Variants in PCDHGA7 observed in about 807,000 individuals in gnomAD.
PCDHGA7 encodes the protein protocadherin gamma subfamily A, 7.
Under a neutral mutation model 58.3 loss-of-function variants are expected in PCDHGA7, and 44 were observed. That is an observed-to-expected ratio of 0.75 (90% CI 0.59 to 0.97). The LOEUF (loss-of-function observed/expected upper bound fraction) is 0.97. Ranked by LOEUF, PCDHGA7 falls within the 50% of genes least tolerant of loss-of-function variation. PCDHGA7 has a pLI of 0.00. For missense variants in PCDHGA7, 1,266 were observed against 1,188.7 expected (o/e 1.06, Z -0.96); for synonymous variants, 516 against 504.2 (o/e 1.02, Z -0.31).
At chr5:141,392,994 A>T in intron 1 of PCDHGA7, 1 of 1,613,910 alleles carries the variant, frequency 6.2e-7, no homozygotes, top group Non-Finnish European at 8.5e-7. Context: ...GAAGCTGGCG[A>T]AGCACGGAGT....
intron 1 of PCDHGA7, chr5:141,398,109 G>T: frequency 6.3e-7 from 1 of 1,594,204 alleles, no homozygotes; most frequent in Non-Finnish European, 8.5e-7. Context: ...TGGTGAGCAA[G>T]CTGAGGAGAG....
intron 1 of PCDHGA7, among the ~76,000 whole-genome samples, chr5:141,472,242 A>T (rs1342571385): frequency 6.6e-6 from 1 of 152,186 alleles, no homozygotes; most frequent in East Asian, 1.9e-4. Flanking sequence ...TTCACTTTCT[A>T]TTTTAAAGTT....
At chr5:141,420,453 C>A (rs1026053173) in intron 1 of PCDHGA7, 76 of 977,580 alleles carry the variant, frequency 7.8e-5, no homozygotes, top group Non-Finnish European at 8.8e-5. Context: ...AGTCTTCCTA[C>A]TATTCAAAGA....
At chr5:141,433,031 T>G (rs2097561851) in intron 1 of PCDHGA7, 2 of 1,614,088 alleles carry the variant, frequency 1.2e-6, no homozygotes, top group Non-Finnish European at 8.5e-7. Flanking sequence ...CCACGAGGTT[T>G]CCCTCACCAC....
intron 1 of PCDHGA7, chr5:141,416,537 G>T (rs2096038948): frequency 6.6e-6 from 1 of 152,082 alleles, no homozygotes; most frequent in Admixed American, 6.6e-5. Context: ...AATGTATAAG[G>T]AGGCAAACAC....
At chr5:141,467,565 C>A (rs2154569547) in intron 1 of PCDHGA7, among the ~76,000 whole-genome samples, 1 of 152,302 alleles carries the variant, frequency 6.6e-6, no homozygotes, top group East Asian at 1.9e-4. Context: ...TCCCAAATGG[C>A]TATCCAGTTG....
rs769872504 is a variant in PCDHGA7, at chr5:141,394,062, A to G, written c.2424+8739A>G. 2.5e-6 allele frequency: 4 copies of G among 1,613,808 alleles called. No homozygotes were observed. The South Asian group carries it at 4.4e-5, about 18-fold the overall frequency. On this transcript the variant is annotated intron_variant, in intron 1 of 3. Coordinates refer to ENST00000518325, the MANE Select transcript of PCDHGA7 (RefSeq NM_018920.4). ...ATATTTGGACCGAGAAAATGTCTCT[A>G]TCTACAATATCACAGTGATGGCCTC... is the stretch of plus-strand genomic sequence containing the variant.
rs145936007 is a variant in PCDHGA7, at chr5:141,490,795, C to T, written c.2425-4012C>T. 2.0e-5 allele frequency: 33 copies of T among 1,614,036 alleles called. No homozygotes were observed. Among genetic ancestry groups the T allele is most frequent in the Non-Finnish European group, 2.8e-5 (33 of 1,179,922 alleles). ...CCCAGAGGATGGACGGATCTTTGCC[C>T]AGCGTACCTTTGACTATGAATTGCT... On this transcript the variant is annotated intron_variant, in intron 1 of 3. Coordinates refer to ENST00000518325, the MANE Select transcript of PCDHGA7 (RefSeq NM_018920.4). This position sits in a 1 kb window ranked among gnomAD's most constrained non-coding sequence, Gnocchi z 5.4.
chr5:141,456,353 G>A (rs1041991824), intron 1 of PCDHGA7, among the ~76,000 whole-genome samples: 2 of 152,120 alleles, frequency 1.3e-5, no homozygotes, highest in South Asian at 2.1e-4. Context: ...GAAGAATGGC[G>A]TCCATGTGTG....
chr5:141,474,654 T>C (rs2099352669), intron 1 of PCDHGA7, among the ~76,000 whole-genome samples: 1 of 152,250 alleles, frequency 6.6e-6, no homozygotes, highest in African/African-American at 2.4e-5. Context: ...CTTACTTCTT[T>C]TCTACCTACC....
chr5:141,427,764 T>C (rs1239199764), intron 1 of PCDHGA7: 4 of 1,383,480 alleles, frequency 2.9e-6, no homozygotes, highest in Non-Finnish European at 4.1e-6. Context: ...TACCACTGAC[T>C]TGGAGCTGCG....
chr5:141,426,523 G>A (rs1018320941), intron 1 of PCDHGA7: 14 of 342,474 alleles, frequency 4.1e-5, no homozygotes, highest in African/African-American at 3.0e-4. Flanking sequence ...CGTGAACACG[G>A]AGAATGGGAA....
chr5:141,409,270 T>A (rs761773360), intron 1 of PCDHGA7: 6 of 1,613,996 alleles, frequency 3.7e-6, no homozygotes, highest in Non-Finnish European at 4.2e-6. Flanking sequence ...CTGATCAGAT[T>A]TTGGAGAATT....
intron 1 of PCDHGA7, chr5:141,399,194 C>T (rs770516092): frequency 1.2e-6 from 2 of 1,613,838 alleles, no homozygotes; most frequent in South Asian, 1.1e-5. Context: ...CTGGAAAACG[C>T]GGTGCCTGGA....
intron 2 of PCDHGA7, 117 bp downstream of exon 2, chr5:141,494,982 G>C: frequency 6.4e-7 from 1 of 1,563,940 alleles, no homozygotes; most frequent in Non-Finnish European, 8.7e-7. Context: ...CTCAGTTTGA[G>C]ATCCCAGGGA....
Position 141,486,397 on chromosome 5 carries a change from G to A in PCDHGA7, c.2425-8410G>A, listed in dbSNP as rs778989869. The A allele has an allele frequency of 5.0e-6, 8 of 1,614,046 alleles. No individual in the cohort carries two copies. The South Asian group carries it at 7.7e-5, about 16-fold the overall frequency. ...CCTTCAGGAACCAGTTCTCCCTGGT[G>A]ACTGCTGGACCCTTGGATCGAGAGG... On this transcript the variant is annotated intron_variant, in intron 1 of 3. Transcript: ENST00000518325. The surrounding 1 kb of genome is among the most constrained non-coding windows in gnomAD (Gnocchi z 5.0).
chr5:141,408,526 T>C, intron 1 of PCDHGA7: 3 of 1,614,028 alleles, frequency 1.9e-6, no homozygotes, highest in Non-Finnish European at 2.5e-6. Flanking sequence ...AATTGGAAGC[T>C]GTGGTGGAAA....
chr5:141,382,840 A>C lies in PCDHGA7; in HGVS notation c.-60A>C. 6.9e-7 allele frequency: 1 copy of C among 1,450,368 alleles called. No homozygotes were observed. The highest frequency in any genetic ancestry group is 2.3e-5 in the Admixed American group (1 of 44,244). 89.8% of individuals were successfully genotyped at this position (1,450,368 alleles called of 1,614,324 possible). Reference sequence around the variant, plus strand: ...CTAAGACAGAGGGGTCCACCCGGATACACCCGCATTCTGAAGCACTTCCCG... The same window carrying C: ...CTAAGACAGAGGGGTCCACCCGGATCCACCCGCATTCTGAAGCACTTCCCG... On this transcript the variant is annotated 5_prime_UTR_variant, in exon 1 of 4. Coordinates refer to ENST00000518325, the MANE Select transcript of PCDHGA7 (RefSeq NM_018920.4).
intron 1 of PCDHGA7, chr5:141,433,007 C>CT: frequency 6.2e-7 from 1 of 1,614,198 alleles, no homozygotes; most frequent in Non-Finnish European, 8.5e-7. Context: ...GCAGGCTTTC[C>CT]TGCAGACCTA....
Sources: allele counts gnomAD v4.1 joint callset (sites outside exome capture counted in the v4.1 genomes callset), GRCh38; gene constraint gnomAD v4.1.1; non-coding constraint Gnocchi (gnomAD v3.1); transcripts MANE v1.5; gene names NCBI Gene and HGNC (gene_info 2026-07-23, HGNC 2026-07-21).